The following KLHL3 variants were observed in gnomAD, a reference collection of about 807,000 sequenced individuals.
The protein encoded by KLHL3 is kelch like family member 3, also known as kelch-like protein 3.
A neutral mutation model predicts 70.5 loss-of-function variants in KLHL3; 19 were observed. The observed-to-expected ratio is 0.27, with a 90% CI of 0.19 to 0.40. The LOEUF (loss-of-function observed/expected upper bound fraction) is 0.40. Among genes scored for constraint, KLHL3 ranks in the 10% least tolerant of loss-of-function variants. The pLI is 1.00. For synonymous variants in KLHL3, 258 were observed against 290.3 expected, an observed-to-expected ratio of 0.89 and a Z score of 1.13; for missense variants, 512 against 771.1, an observed-to-expected ratio of 0.66 and a Z score of 3.98.
Position 137,618,356 on chromosome 5 carries a change from T to G in KLHL3, c.*3742A>C, listed in dbSNP as rs1756283068. On this transcript the variant is annotated 3_prime_UTR_variant, in exon 15 of 15. Transcript: ENST00000309755. ...CAATAATAATAATAATAATAAATTT[T>G]AAAAACCATGATGCAAATGGCAGAT... 6.6e-6 allele frequency: 1 copy of G among 152,000 alleles called. No individual in the cohort carries two copies. The highest frequency in any genetic ancestry group is 2.1e-4 in the South Asian group (1 of 4,818). The allele number at this position is 152,000 out of a possible 1,614,324, so 9.4% of individuals were successfully genotyped here.
intron 3 of KLHL3, among the ~76,000 whole-genome samples, chr5:137,698,904 A>C (rs1752507372): frequency 6.6e-6 from 1 of 152,198 alleles, no homozygotes; most frequent in African/African-American, 2.4e-5. Context: ...ACACTTAAGC[A>C]CTTTAAAGTC....
In KLHL3 at chr5:137,621,789, C is replaced by T. The variant is rs1465397689; in HGVS notation, c.*309G>A. The T allele has an allele frequency of 2.3e-6, 1 of 432,700 alleles. No individual in the cohort carries two copies. Among genetic ancestry groups the T allele is most frequent in the Admixed American group, 3.7e-5 (1 of 26,832 alleles). The allele number at this position is 432,700 out of a possible 1,614,324, so 26.8% of individuals were successfully genotyped here. ...AAACACCATGGTCTACACACACACA[C>T]ACACACACACACACTCCAGGGTCTG... On this transcript the variant is annotated 3_prime_UTR_variant, in exon 15 of 15. Transcript: ENST00000309755.
At chr5:137,664,085 C>T (rs902624988) in intron 6 of KLHL3, among the ~76,000 whole-genome samples, 17 of 151,920 alleles carry the variant, frequency 1.1e-4, no homozygotes, top group African/African-American at 4.1e-4. Flanking sequence ...GGTATGGTGG[C>T]TCACACCTAT....
chr5:137,732,289 C>T (rs147894918), intron 1 of KLHL3, among the ~76,000 whole-genome samples: 1 of 152,054 alleles, frequency 6.6e-6, no homozygotes, highest in African/African-American at 2.4e-5. Context: ...AGTGATTCTC[C>T]CATGGAGGGA....
At chr5:137,715,645 A>ACATCAT (rs143041463) in intron 2 of KLHL3, among the ~76,000 whole-genome samples, 13 of 151,930 alleles carry the variant, frequency 8.6e-5, no homozygotes, top group Non-Finnish European at 1.6e-4. Context: ...AGTGCTTAGC[A>ACATCAT]CATCATCATC....
At position 137,695,669 on chromosome 5, in the gene KLHL3, G is replaced by A. The variant is rs143709614; in HGVS notation, c.363+2618C>T. Among the ~76,000 whole-genome samples the A allele has an allele frequency of 4.2e-4, 64 of 152,258 alleles. No homozygotes were observed. The East Asian group carries it at 8.9e-3, about 21-fold the overall frequency. On this transcript the variant is annotated intron_variant, in intron 4 of 14. Transcript: ENST00000309755. ...AGAGCAATACATCCATGAAATGACT[G>A]TCTTCAGTTCCCTCTCCCCACATCA...
intron 2 of KLHL3, among the ~76,000 whole-genome samples, chr5:137,714,868 T>C (rs1046208617): frequency 2.0e-5 from 3 of 152,064 alleles, no homozygotes; most frequent in African/African-American, 4.8e-5. Flanking sequence ...AATAAAAGCA[T>C]AGTGACAGAC....
At chr5:137,711,972 G>T (rs564329038) in intron 2 of KLHL3, among the ~76,000 whole-genome samples, 1 of 151,284 alleles carries the variant, frequency 6.6e-6, no homozygotes, top group Non-Finnish European at 1.5e-5. Flanking sequence ...TTGCCAACAT[G>T]GTGAGACCCC....
chr5:137,730,522 T>C (rs1306511761), intron 1 of KLHL3, among the ~76,000 whole-genome samples: 1 of 152,218 alleles, frequency 6.6e-6, no homozygotes, highest in Non-Finnish European at 1.5e-5. Flanking sequence ...GATGCTGTCA[T>C]TCTTGTAACA....
chr5:137,680,837 G>T (rs1261159735), intron 5 of KLHL3, among the ~76,000 whole-genome samples: 3 of 151,998 alleles, frequency 2.0e-5, no homozygotes, highest in African/African-American at 7.2e-5. Flanking sequence ...AGCCACTGCG[G>T]CCGGCAGCAC....
intron 6 of KLHL3, among the ~76,000 whole-genome samples, chr5:137,665,216 C>T (rs1199672933): frequency 6.6e-6 from 1 of 152,124 alleles, no homozygotes; most frequent in African/African-American, 2.4e-5. Context: ...GATTTATAGA[C>T]AAGGCAACTA....
At chr5:137,634,723 T>C (rs936134886) in intron 11 of KLHL3, among the ~76,000 whole-genome samples, 8 of 152,050 alleles carry the variant, frequency 5.3e-5, no homozygotes, top group Non-Finnish European at 1.0e-4. Context: ...TGGGCCAGGG[T>C]GGCTGGAATT....
At chr5:137,733,768 G>A (rs981102393) in intron 1 of KLHL3, among the ~76,000 whole-genome samples, 2 of 152,344 alleles carry the variant, frequency 1.3e-5, no homozygotes, top group South Asian at 2.1e-4. Context: ...TATAGGATGG[G>A]TGATCATGAA....
chr5:137,717,135 T>G (rs76563402), intron 2 of KLHL3, among the ~76,000 whole-genome samples: 1,694 of 152,360 alleles, frequency 0.011, 31 homozygotes, highest in African/African-American at 0.039. Context: ...ATCTTGTCCC[T>G]TGGTGAGACC....
intron 5 of KLHL3, among the ~76,000 whole-genome samples, chr5:137,678,288 C>A (rs1433015297): frequency 6.6e-6 from 1 of 151,980 alleles, no homozygotes; most frequent in Non-Finnish European, 1.5e-5. Flanking sequence ...TGGAACTGTT[C>A]AAGACAGAGG....
Position 137,617,997 on chromosome 5 carries a change from T to C in KLHL3, c.*4101A>G, listed in dbSNP as rs956583721. ...CCTGCCATGGCTGATGCTATATCCATGAGTCACTGAGTCCCATGACGAAGG... is the reference window on the plus strand; with the variant it reads ...CCTGCCATGGCTGATGCTATATCCACGAGTCACTGAGTCCCATGACGAAGG... On this transcript the variant is annotated 3_prime_UTR_variant, in exon 15 of 15. Transcript: ENST00000309755. The C allele has an allele frequency of 6.6e-6, 1 of 152,600 alleles. No homozygotes were observed. Among genetic ancestry groups the C allele is most frequent in the African/African-American group, 2.4e-5 (1 of 41,428 alleles). 9.5% of individuals were successfully genotyped at this position (152,600 alleles called of 1,614,324 possible).
At chr5:137,696,587 T>C (rs1272755361) in intron 4 of KLHL3, among the ~76,000 whole-genome samples, 2 of 152,218 alleles carry the variant, frequency 1.3e-5, no homozygotes, top group Non-Finnish European at 2.9e-5. Context: ...TTTTTATTAT[T>C]GTAAATAATT....
intron 1 of KLHL3, among the ~76,000 whole-genome samples, chr5:137,727,958 G>A (rs1753111636): frequency 1.3e-5 from 2 of 152,002 alleles, no homozygotes; most frequent in Non-Finnish European, 1.5e-5. Flanking sequence ...TGATGCCACC[G>A]AACATGAGAT....
At chr5:137,684,437 T>C (rs1350070402) in intron 5 of KLHL3, among the ~76,000 whole-genome samples, 2 of 152,198 alleles carry the variant, frequency 1.3e-5, no homozygotes, top group South Asian at 2.1e-4. Flanking sequence ...AATTACTTCA[T>C]TCCATGATCT....
Sources: allele counts gnomAD v4.1 joint callset (sites outside exome capture counted in the v4.1 genomes callset), GRCh38; gene constraint gnomAD v4.1.1; transcripts MANE v1.5; gene names NCBI Gene and HGNC (gene_info 2026-07-23, HGNC 2026-07-21).